Variants in RPP14 observed in about 807,000 individuals in gnomAD.
RPP14 encodes ribonuclease P/MRP subunit p14.
Under a neutral mutation model 17.8 loss-of-function variants are expected in RPP14, and 19 were observed. That is an observed-to-expected ratio of 1.07 (90% CI 0.74 to 1.57). RPP14 has a LOEUF of 1.57. RPP14 is among the 40% of genes most tolerant of loss of function. The pLI is 0.00. For missense variants in RPP14, 125 were observed against 140.8 expected (o/e 0.89, Z 0.57); for synonymous variants, 60 against 56.4 (o/e 1.06, Z -0.29).
At chr3:58,313,732 G>A (rs1328896049) in intron 3 of RPP14, among the ~76,000 whole-genome samples, 1 of 152,242 alleles carries the variant, frequency 6.6e-6, no homozygotes, top group Admixed American at 6.5e-5. Context: ...GGCTGAGGTG[G>A]GAGGATTGCT....
In RPP14 at chr3:58,318,338, G is replaced by GT; in HGVS notation, c.*848dup. ...ATGCAGGATTTCATTATCTGCCTGG[G>GT]TTTTTTGTTTGTTTTTTGTTTTTTA... On this transcript the variant is annotated 3_prime_UTR_variant, in exon 6 of 6. Coordinates refer to ENST00000295959, the MANE Select transcript of RPP14 (RefSeq NM_007042.6). 2.4e-6 allele frequency: 1 copy of GT among 424,714 alleles called. No individual in the cohort carries two copies. The highest frequency in any genetic ancestry group is 4.1e-6 in the Non-Finnish European group (1 of 241,360). The allele number at this position is 424,714 out of a possible 1,614,324, so 26.3% of individuals were successfully genotyped here. A position where few individuals can be genotyped will look rare whatever the true frequency, so the allele number is the denominator to read the frequency against.
intron 1 of RPP14, 74 bp from the exon 2 acceptor site, chr3:58,310,235 A>C (rs1024410343): frequency 9.0e-6 from 11 of 1,218,342 alleles, no homozygotes; most frequent in South Asian, 1.3e-5. Context: ...AAACCCAAAT[A>C]GGCCAAATTC....
chr3:58,307,061 C>G (rs1486290082), intron 1 of RPP14, among the ~76,000 whole-genome samples: 1 of 152,104 alleles, frequency 6.6e-6, no homozygotes, highest in Non-Finnish European at 1.5e-5. Context: ...GAAGATCTTT[C>G]CCAGCATGGG....
rs920382951 is a variant in RPP14, at chr3:58,316,815, A to G, written c.240-100A>G. Reference sequence around the variant, plus strand: ...AGCTGTAGTTTTCCCATTGATGGTTATAGTTGCAAAGTCAGAAGTGAATAT... The same window carrying G: ...AGCTGTAGTTTTCCCATTGATGGTTGTAGTTGCAAAGTCAGAAGTGAATAT... On this transcript the variant is annotated intron_variant, in intron 4 of 5. Coordinates refer to ENST00000295959, the MANE Select transcript of RPP14 (RefSeq NM_007042.6). The G allele has an allele frequency of 6.4e-6, 7 of 1,090,386 alleles. No individual in the cohort carries two copies. In the Admixed American group the frequency reaches 1.0e-4, roughly 16 times the overall value. The allele number at this position is 1,090,386 out of a possible 1,614,324, so 67.5% of individuals were successfully genotyped here.
Position 58,312,606 on chromosome 3 carries a change from C to T in RPP14, c.162+2015C>T, listed in dbSNP as rs575043602. Among the ~76,000 whole-genome samples, 9 of 152,222 alleles carry T rather than the reference C, an allele frequency of 5.9e-5. No individual in the cohort carries two copies. In the East Asian group the frequency reaches 1.7e-3, roughly 29 times the overall value. On this transcript the variant is annotated intron_variant, in intron 3 of 5. Coordinates refer to ENST00000295959, the MANE Select transcript of RPP14 (RefSeq NM_007042.6). ...AAAGTGTGGCCTAGACTGGCACCTG[C>T]AAACTCTTTTCCCATCTTGAAGAGA... is the stretch of plus-strand genomic sequence containing the variant.
At position 58,317,987 on chromosome 3, in the gene RPP14, T is replaced by A; in HGVS notation, c.*491T>A. ...CCTTTATATATTGGAGAAGTTGTTT[T>A]AGCTTCTGCAGAAGTGAAAAAGCTG... is the stretch of plus-strand genomic sequence containing the variant. On this transcript the variant is annotated 3_prime_UTR_variant, in exon 6 of 6. Transcript: ENST00000295959. 2 of 703,004 alleles carry A rather than the reference T, an allele frequency of 2.8e-6. No individual in the cohort carries two copies. Among genetic ancestry groups the A allele is most frequent in the Non-Finnish European group, 2.6e-6 (1 of 385,010 alleles). The allele number at this position is 703,004 out of a possible 1,614,324, so 43.5% of individuals were successfully genotyped here. A position where few individuals can be genotyped will look rare whatever the true frequency, so the allele number is the denominator to read the frequency against.
intron 1 of RPP14, among the ~76,000 whole-genome samples, chr3:58,308,275 T>TA: frequency 6.6e-6 from 1 of 152,210 alleles, no homozygotes; most frequent in Middle Eastern, 3.4e-3. Context: ...GTCATAGTAT[T>TA]ACAGTATTTT....
chr3:58,317,020 A>G lies in RPP14; in HGVS notation c.318+27A>G, dbSNP rs1289719327. The G allele has an allele frequency of 3.2e-6, 5 of 1,540,806 alleles. No individual in the cohort carries two copies. In the African/African-American group the frequency reaches 5.5e-5, roughly 17 times the overall value. ...TAAAGACTATTCCCTCACATATTCC[A>G]AACAAGACTGAGTGATGGGTCAACT... is the stretch of plus-strand genomic sequence containing the variant. On this transcript the variant is annotated intron_variant, in intron 5 of 5. Transcript: ENST00000295959.
intron 1 of RPP14, among the ~76,000 whole-genome samples, chr3:58,309,816 C>T (rs574227573): frequency 5.9e-5 from 9 of 151,796 alleles, no homozygotes; most frequent in African/African-American, 1.5e-4. Flanking sequence ...TGCTTGAATC[C>T]GCGAGGCAGA....
intron 3 of RPP14, among the ~76,000 whole-genome samples, chr3:58,311,468 A>G (rs894785162): frequency 1.3e-5 from 2 of 152,126 alleles, no homozygotes; most frequent in African/African-American, 4.8e-5. Flanking sequence ...CTGCTTTTTT[A>G]GCTCTCACAT....
In RPP14 at chr3:58,310,310, TG is replaced by T. The variant is rs1453554806; in HGVS notation, c.-19del. 1.2e-6 allele frequency: 2 copies of T among 1,610,844 alleles called. No homozygotes were observed. Among genetic ancestry groups the T allele is most frequent in the African/African-American group, 2.7e-5 (2 of 74,858 alleles). On this transcript the variant is annotated splice_region_variant and 5_prime_UTR_variant, in exon 2 of 6. Coordinates refer to ENST00000295959, the MANE Select transcript of RPP14 (RefSeq NM_007042.6). ...TCTAGCCCTCTTGACTTACTGTAGG[TG>T]TGATCAGCACTGGAAAAGATGCCTG...
chr3:58,308,817 G>A (rs1160637847), intron 1 of RPP14, among the ~76,000 whole-genome samples: 4 of 152,098 alleles, frequency 2.6e-5, no homozygotes, highest in African/African-American at 9.7e-5. Flanking sequence ...CATAACATGG[G>A]GGCTTAACTT....
chr3:58,313,565 G>A (rs2097484703), intron 3 of RPP14, among the ~76,000 whole-genome samples: 1 of 152,222 alleles, frequency 6.6e-6, no homozygotes, highest in Non-Finnish European at 1.5e-5. Flanking sequence ...GCTCACAGCT[G>A]TAATCCCACC....
intron 5 of RPP14, 109 bp downstream of exon 5, chr3:58,317,102 T>C: frequency 1.3e-6 from 1 of 786,162 alleles, no homozygotes; most frequent in Non-Finnish European, 2.1e-6. Context: ...ATGGTTAAAA[T>C]GATCTAAGTA....
At chr3:58,308,570 A>C (rs1442766476) in intron 1 of RPP14, among the ~76,000 whole-genome samples, 1 of 152,032 alleles carries the variant, frequency 6.6e-6, no homozygotes, top group East Asian at 1.9e-4. Context: ...GCCAGGCCCC[A>C]AAGTATTAAT....
intron 3 of RPP14, 146 bp from the exon 4 acceptor site, chr3:58,316,369 A>T (rs966522104): frequency 6.0e-6 from 4 of 670,772 alleles, no homozygotes; most frequent in African/African-American, 5.4e-5. Flanking sequence ...GGGAGCTGTA[A>T]GTAGGCAACT....
chr3:58,308,964 A>C (rs1440560591), intron 1 of RPP14, among the ~76,000 whole-genome samples: 1 of 152,352 alleles, frequency 6.6e-6, no homozygotes, highest in African/African-American at 2.4e-5. Flanking sequence ...AGAGATGAGC[A>C]TGTTCTACGT....
rs144307659 is a variant in RPP14, at chr3:58,316,991, C to G, written c.316C>G (p.Gln106Glu). The G allele has an allele frequency of 1.1e-4, 174 of 1,610,192 alleles. No individual in the cohort carries two copies. The African/African-American group carries it at 1.6e-3, about 15-fold the overall frequency. The change falls in exon 5 of 6, where the codon CAG becomes GAG. Residue 106 changes from glutamine (Q) to glutamate (E), a missense_variant and splice_region_variant. By Grantham distance (29) the Gln-to-Glu change is conservative. Coordinates refer to ENST00000295959, the MANE Select transcript of RPP14 (RefSeq NM_007042.6). ...KGKKCAFRVI[Q>E]VSPFLLALSG... ...CAAAAAATGTGCTTTCCGGGTGATTCAGGTAAAGACTATTCCCTCACATAT... is the reference window on the plus strand; with the variant it reads ...CAAAAAATGTGCTTTCCGGGTGATTGAGGTAAAGACTATTCCCTCACATAT...
intron 1 of RPP14, among the ~76,000 whole-genome samples, chr3:58,306,981 G>A (rs754438696): frequency 6.6e-6 from 1 of 152,214 alleles, no homozygotes; most frequent in Non-Finnish European, 1.5e-5. Flanking sequence ...AAGGGCACTG[G>A]GCCAACCCGA....
Sources: allele counts gnomAD v4.1 joint callset (sites outside exome capture counted in the v4.1 genomes callset), GRCh38; gene constraint gnomAD v4.1.1; transcripts MANE v1.5; gene names NCBI Gene and HGNC (gene_info 2026-07-23, HGNC 2026-07-21).